Variants in ERBB4 observed in about 807,000 individuals in gnomAD.
The protein encoded by ERBB4 is erb-b2 receptor tyrosine kinase 4, also known as receptor tyrosine-protein kinase erbB-4.
Under a neutral mutation model 158.0 loss-of-function variants are expected in ERBB4, and 42 were observed. That is an observed-to-expected ratio of 0.27 (90% confidence interval 0.21 to 0.34). ERBB4 has a LOEUF of 0.34. Among genes scored for constraint, ERBB4 ranks in the 10% least tolerant of loss-of-function variants. The pLI is 1.00. For synonymous variants in ERBB4, 583 were observed against 558.7 expected, an observed-to-expected ratio of 1.04 and a Z score of -0.61; for missense variants, 1,333 against 1,624.1, an observed-to-expected ratio of 0.82 and a Z score of 3.08.
At chr2:211,619,099 G>C (rs1031583320) in intron 19 of ERBB4, 78 bp downstream of exon 19, 1 of 866,182 alleles carries the variant, frequency 1.2e-6, no homozygotes, top group African/African-American at 1.7e-5. Flanking sequence ...GTGGAGTTTG[G>C]TTTTGTTTTG....
intron 1 of ERBB4, among the ~76,000 whole-genome samples, chr2:212,194,043 C>T (rs1476017762): frequency 6.6e-6 from 1 of 151,934 alleles, no homozygotes; most frequent in Non-Finnish European, 1.5e-5. Context: ...TTTAAAGGTG[C>T]ATTAAATTAG....
chr2:212,381,336 C>T (rs951378149), intron 1 of ERBB4, among the ~76,000 whole-genome samples: 5 of 151,214 alleles, frequency 3.3e-5, no homozygotes, highest in African/African-American at 7.3e-5. Flanking sequence ...TTTCACTCTG[C>T]GTTGGAAAGG....
At chr2:212,324,869 T>C (rs1055512969) in intron 1 of ERBB4, among the ~76,000 whole-genome samples, 1 of 73,132 alleles carries the variant, frequency 1.4e-5, no homozygotes, top group African/African-American at 3.7e-5. Flanking sequence ...TAATATTCAG[T>C]ATGCTCAAAA....
At chr2:211,405,235 G>C (rs544375764) in intron 25 of ERBB4, among the ~76,000 whole-genome samples, 1 of 152,154 alleles carries the variant, frequency 6.6e-6, no homozygotes, top group African/African-American at 2.4e-5. Flanking sequence ...GCCTCAATCA[G>C]CACTTTATCC....
intron 1 of ERBB4, among the ~76,000 whole-genome samples, chr2:212,159,361 T>C (rs1280018443): frequency 6.6e-6 from 1 of 151,854 alleles, no homozygotes; most frequent in Non-Finnish European, 1.5e-5. Flanking sequence ...TTCCTTATTA[T>C]TGATGCCTAC....
intron 12 of ERBB4, among the ~76,000 whole-genome samples, chr2:211,697,844 G>A (rs535965432): frequency 3.2e-4 from 48 of 152,180 alleles, no homozygotes; most frequent in African/African-American, 8.9e-4. Context: ...TTTATGTAGC[G>A]TCATTTACAC....
Position 212,035,161 on chromosome 2 carries a change from T to A in ERBB4, c.235-87545A>T, listed in dbSNP as rs143284158. ...AGTCTCTCTAAAATTCAAGCCTGTGTTAATCTTTTGCTTAAAATTATGAAA... is the reference window on the plus strand; with the variant it reads ...AGTCTCTCTAAAATTCAAGCCTGTGATAATCTTTTGCTTAAAATTATGAAA... On this transcript the variant is annotated intron_variant, in intron 2 of 27. Transcript: ENST00000342788. Among the ~76,000 whole-genome samples the A allele has an allele frequency of 7.9e-4, 121 of 152,316 alleles. 1 individual carries two copies. The highest frequency in any genetic ancestry group is 2.7e-3 in the African/African-American group (114 of 41,578).
At chr2:211,484,840 A>G (rs965266519) in intron 20 of ERBB4, among the ~76,000 whole-genome samples, 1 of 152,208 alleles carries the variant, frequency 6.6e-6, no homozygotes, top group Non-Finnish European at 1.5e-5. Flanking sequence ...CTTAGACATT[A>G]TCAATTCACT....
chr2:212,050,050 C>G (rs1231145716), intron 2 of ERBB4, among the ~76,000 whole-genome samples: 1 of 151,562 alleles, frequency 6.6e-6, no homozygotes, highest in Non-Finnish European at 1.5e-5. Context: ...CTAGGGTTAC[C>G]TTTTGAAAAA....
At chr2:211,615,778 A>G (rs1475141504) in intron 19 of ERBB4, among the ~76,000 whole-genome samples, 1 of 152,076 alleles carries the variant, frequency 6.6e-6, no homozygotes, top group Non-Finnish European at 1.5e-5. Context: ...CATTTGTGTT[A>G]TTTATTATAA....
intron 2 of ERBB4, among the ~76,000 whole-genome samples, chr2:212,024,983 T>C (rs2076740687): frequency 6.6e-6 from 1 of 151,868 alleles, no homozygotes; most frequent in South Asian, 2.1e-4. Context: ...AAATAAGGGC[T>C]ACCAGTACCT....
At chr2:211,654,861 A>G (rs1005207656) in intron 16 of ERBB4, among the ~76,000 whole-genome samples, 1 of 152,186 alleles carries the variant, frequency 6.6e-6, no homozygotes, top group Admixed American at 6.5e-5. Context: ...ATCTACAAAC[A>G]GTGACTGGCC....
intron 1 of ERBB4, among the ~76,000 whole-genome samples, chr2:212,370,956 A>C (rs1395993149): frequency 6.6e-6 from 1 of 152,120 alleles, no homozygotes. Context: ...CCACATAACC[A>C]TTATTTTCCC....
At chr2:212,443,001 G>T (rs1003442385) in intron 1 of ERBB4, among the ~76,000 whole-genome samples, 8 of 152,218 alleles carry the variant, frequency 5.3e-5, no homozygotes, top group Admixed American at 5.2e-4. Context: ...GACTCCAATT[G>T]CAGCTCTTGT....
At chr2:212,172,293 G>C (rs991373502) in intron 1 of ERBB4, among the ~76,000 whole-genome samples, 2 of 91,158 alleles carry the variant, frequency 2.2e-5, no homozygotes, top group African/African-American at 9.4e-5. Flanking sequence ...GGAGAAAAAG[G>C]AATGTTTTTT....
At chr2:212,236,302 C>G (rs1396131155) in intron 1 of ERBB4, among the ~76,000 whole-genome samples, 1 of 152,166 alleles carries the variant, frequency 6.6e-6, no homozygotes, top group Non-Finnish European at 1.5e-5. Context: ...AGCCTTGCAT[C>G]CCAGGGATGA....
At chr2:211,448,820 T>A (rs1302946418) in intron 20 of ERBB4, among the ~76,000 whole-genome samples, 1 of 152,210 alleles carries the variant, frequency 6.6e-6, no homozygotes, top group African/African-American at 2.4e-5. Flanking sequence ...ATCTTCTTTC[T>A]ATTGAGACAG....
intron 1 of ERBB4, among the ~76,000 whole-genome samples, chr2:212,219,769 T>A (rs1288268615): frequency 6.6e-6 from 1 of 151,316 alleles, no homozygotes; most frequent in Non-Finnish European, 1.5e-5. Context: ...GTGTAAATTG[T>A]GTGCATGGCC....
intron 3 of ERBB4, among the ~76,000 whole-genome samples, chr2:211,867,652 T>G (rs2078243110): frequency 6.6e-6 from 1 of 152,178 alleles, no homozygotes; most frequent in South Asian, 2.1e-4. Context: ...CATGCTGGCC[T>G]TGAACTCCTG....
Sources: gnomAD v4.1 joint callset for allele counts (sites outside exome capture counted in the v4.1 genomes callset) on GRCh38, gnomAD v4.1.1 for gene constraint, MANE v1.5 for transcripts, NCBI Gene and HGNC (gene_info 2026-07-23, HGNC 2026-07-21) for gene names.